The following NOSTRIN variants were observed in gnomAD, a reference collection of about 807,000 sequenced individuals.
NOSTRIN encodes the protein BM247 homolog.
Under a neutral mutation model 59.0 loss-of-function variants are expected in NOSTRIN, and 63 were observed. That is an observed-to-expected ratio of 1.07 (90% CI 0.87 to 1.32). NOSTRIN has a LOEUF of 1.32. NOSTRIN is among the 40% of genes most tolerant of loss of function. The pLI is 0.00. For synonymous variants in NOSTRIN, 200 were observed against 165.4 expected, an observed-to-expected ratio of 1.21 and a Z score of -1.61; for missense variants, 512 against 473.1, an observed-to-expected ratio of 1.08 and a Z score of -0.76.
At chr2:168,790,203 T>C (rs963261106) in intron 2 of NOSTRIN, among the ~76,000 whole-genome samples, 2 of 152,242 alleles carry the variant, frequency 1.3e-5, no homozygotes, top group African/African-American at 2.4e-5. Flanking sequence ...TAACATGCTA[T>C]GGCAACTTTG....
In NOSTRIN at chr2:168,814,890, A is replaced by T. The variant is rs1035455825; in HGVS notation, c.113+3238A>T. 1.3e-5 allele frequency among the ~76,000 whole-genome samples: 2 copies of T among 152,224 alleles called. 1 individual carries two copies. The highest frequency in any genetic ancestry group is 4.1e-4 in the South Asian group (2 of 4,828). On this transcript the variant is annotated intron_variant, in intron 2 of 15. Transcript: ENST00000317647. ...AGACCAGCCTGTTCAACAAAGCACAACCCATCTCTATTTTCATAAACAAAT... is the reference window on the plus strand; with the variant it reads ...AGACCAGCCTGTTCAACAAAGCACATCCCATCTCTATTTTCATAAACAAAT...
At chr2:168,853,292 C>T (rs940353142) in intron 10 of NOSTRIN, among the ~76,000 whole-genome samples, 1 of 152,126 alleles carries the variant, frequency 6.6e-6, no homozygotes, top group Admixed American at 6.5e-5. Flanking sequence ...TGGTTTTTAT[C>T]CAGTGTTATG....
chr2:168,816,494 T>TCAC (rs1212881533), intron 2 of NOSTRIN, among the ~76,000 whole-genome samples: 5 of 152,090 alleles, frequency 3.3e-5, no homozygotes, highest in East Asian at 3.9e-4. Context: ...CACTCCTGCA[T>TCAC]CACCACCACC....
chr2:168,818,841 A>T (rs200171416), intron 2 of NOSTRIN, among the ~76,000 whole-genome samples: 83 of 151,850 alleles, frequency 5.5e-4, no homozygotes, highest in Middle Eastern at 6.8e-3. Flanking sequence ...ATATTAAAAA[A>T]TTTTTTTAAT....
chr2:168,857,845 AT>A (rs1462514087), intron 12 of NOSTRIN, among the ~76,000 whole-genome samples: 1 of 152,244 alleles, frequency 6.6e-6, no homozygotes, highest in African/African-American at 2.4e-5. Flanking sequence ...GGCAATTTCA[AT>A]AGTTCTTTGG....
chr2:168,859,767 A>T (rs1689330288), intron 13 of NOSTRIN, 130 bp downstream of exon 13: 3 of 1,223,576 alleles, frequency 2.5e-6, no homozygotes, highest in Non-Finnish European at 1.1e-6. Flanking sequence ...TTAGTTAAGA[A>T]GATAAATGTT....
intron 8 of NOSTRIN, 61 bp downstream of exon 8, chr2:168,843,178 G>T: frequency 1.2e-6 from 1 of 827,080 alleles, no homozygotes; most frequent in Non-Finnish European, 2.1e-6. Context: ...CTTGAAGATG[G>T]AGGTCAGATT....
intron 2 of NOSTRIN, among the ~76,000 whole-genome samples, chr2:168,819,176 A>T (rs370574354): frequency 2.6e-5 from 4 of 152,164 alleles, no homozygotes; most frequent in African/African-American, 9.7e-5. Flanking sequence ...CTCCCCTTGC[A>T]TGTGGTACTT....
chr2:168,863,427 A>T, intron 15 of NOSTRIN: 1 of 985,140 alleles, frequency 1.0e-6, no homozygotes, highest in Non-Finnish European at 1.2e-6. Flanking sequence ...AAATCACCTC[A>T]GAATGATGCC....
Position 168,809,208 on chromosome 2 carries a change from C to T in NOSTRIN, c.28-2359C>T, listed in dbSNP as rs1269500860. Among the ~76,000 whole-genome samples the T allele has an allele frequency of 5.3e-5, 8 of 152,292 alleles. No individual in the cohort carries two copies. In the East Asian group the frequency reaches 1.5e-3, roughly 29 times the overall value. On this transcript the variant is annotated intron_variant, in intron 1 of 15. Transcript: ENST00000317647. ...GTGTTCTTCACAGCCATCAGGGACCCAGGCTCTTTTTCTCTTTCCACTCTG... is the reference window on the plus strand; with the variant it reads ...GTGTTCTTCACAGCCATCAGGGACCTAGGCTCTTTTTCTCTTTCCACTCTG...
At chr2:168,856,625 C>T (rs530931921) in intron 11 of NOSTRIN, 65 bp from the exon 12 acceptor site, 114 of 1,440,080 alleles carry the variant, frequency 7.9e-5, no homozygotes, top group African/African-American at 1.1e-4. Context: ...TGAGAGCGAC[C>T]GACTCCTGGC....
intron 1 of NOSTRIN, among the ~76,000 whole-genome samples, chr2:168,787,151 A>G (rs1194706500): frequency 6.6e-6 from 1 of 152,180 alleles, no homozygotes; most frequent in Non-Finnish European, 1.5e-5. Context: ...GCTAGGAAGA[A>G]TGAATAGTAT....
chr2:168,813,226 C>A (rs1455325060), intron 2 of NOSTRIN, among the ~76,000 whole-genome samples: 2 of 152,192 alleles, frequency 1.3e-5, no homozygotes, highest in South Asian at 4.1e-4. Flanking sequence ...CTTCTGCCTG[C>A]AGAGCAGGAA....
chr2:168,857,511 A>T (rs1240370498), intron 12 of NOSTRIN, among the ~76,000 whole-genome samples: 1 of 152,082 alleles, frequency 6.6e-6, no homozygotes. Context: ...CTTTGTGCTG[A>T]GTGTGTGAAC....
intron 1 of NOSTRIN, among the ~76,000 whole-genome samples, chr2:168,805,398 C>T (rs1453252083): frequency 6.6e-6 from 1 of 152,150 alleles, no homozygotes; most frequent in Admixed American, 6.5e-5. Flanking sequence ...TGTTTCATTG[C>T]CTATGAAGGT....
intron 5 of NOSTRIN, among the ~76,000 whole-genome samples, chr2:168,830,955 C>T (rs1305171473): frequency 6.6e-6 from 1 of 152,088 alleles, no homozygotes; most frequent in Non-Finnish European, 1.5e-5. Flanking sequence ...TTTACCAAGT[C>T]CTGTTACTTG....
upstream of NOSTRIN, among the ~76,000 whole-genome samples, chr2:168,801,457 A>G (rs1416562648): frequency 6.6e-6 from 1 of 151,956 alleles, no homozygotes; most frequent in Non-Finnish European, 1.5e-5. Context: ...TCCTGGCCTC[A>G]AGTGACCCTC....
chr2:168,864,331 G>A (rs1370242947), intron 15 of NOSTRIN, among the ~76,000 whole-genome samples: 29 of 151,250 alleles, frequency 1.9e-4, no homozygotes, highest in Admixed American at 1.9e-3. Context: ...CTGTTGCCCA[G>A]GCTAGAGTGC....
chr2:168,862,905 C>CAAGA (rs1039681752), intron 15 of NOSTRIN, among the ~76,000 whole-genome samples: 40 of 152,270 alleles, frequency 2.6e-4, no homozygotes, highest in African/African-American at 9.6e-4. Context: ...AATGGAAAAT[C>CAAGA]AAGATACATT....
Sources: allele counts gnomAD v4.1 joint callset (sites outside exome capture counted in the v4.1 genomes callset), GRCh38; gene constraint gnomAD v4.1.1; transcripts MANE v1.5; gene names NCBI Gene and HGNC (gene_info 2026-07-23, HGNC 2026-07-21).